CACNA1C: variants seen among roughly 807,000 people sequenced by gnomAD.
CACNA1C encodes calcium voltage-gated channel subunit alpha1 C, also known as voltage-dependent L-type calcium channel subunit alpha-1C.
CACNA1C carries 30 observed loss-of-function variants against 229.0 expected under a neutral mutation model. The observed-to-expected ratio is 0.13, with a 90% confidence interval of 0.10 to 0.18. The LOEUF is 0.18. Ranked by LOEUF, CACNA1C falls within the 10% of genes least tolerant of loss-of-function variation. The pLI is 1.00. For synonymous variants in CACNA1C, 1,114 were observed against 1,132.5 expected, an observed-to-expected ratio of 0.98 and a Z score of 0.33; for missense variants, 1,658 against 2,845.0, an observed-to-expected ratio of 0.58 and a Z score of 9.49.
chr12:2,551,745 G>A (rs2099904053), intron 10 of CACNA1C, among the ~76,000 whole-genome samples: 1 of 152,192 alleles, frequency 6.6e-6, no homozygotes, highest in African/African-American at 2.4e-5. Context: ...GACGGTTCCT[G>A]TTGGGGGAAG....
intron 7 of CACNA1C, among the ~76,000 whole-genome samples, chr12:2,500,967 G>T (rs1339480904): frequency 6.6e-6 from 1 of 151,884 alleles, no homozygotes; most frequent in African/African-American, 2.4e-5. Context: ...AGCACTTTGG[G>T]AGGCCGAGGT....
In CACNA1C at chr12:2,441,534, G is replaced by A. The variant is rs576806570; in HGVS notation, c.478-7442G>A. On this transcript the variant is annotated intron_variant, in intron 3 of 46. Coordinates refer to ENST00000399655, the MANE Select transcript of CACNA1C (RefSeq NM_000719.7). ...GTGAAGAAGAGGAGCTCTTTATTCC[G>A]TCCCATGTCCTAAAATCTCACTGTG... Among the ~76,000 whole-genome samples the A allele has an allele frequency of 1.1e-4, 17 of 152,266 alleles. No homozygotes were observed. The South Asian group carries it at 2.3e-3, about 20-fold the overall frequency.
intron 3 of CACNA1C, among the ~76,000 whole-genome samples, chr12:2,420,644 C>G (rs1166991419): frequency 6.6e-6 from 1 of 152,220 alleles, no homozygotes; most frequent in African/African-American, 2.4e-5. Flanking sequence ...AGCAAGGTCT[C>G]TGGAACATCT....
chr12:2,051,733 A>G (rs553427529), upstream of CACNA1C, among the ~76,000 whole-genome samples: 8 of 152,352 alleles, frequency 5.3e-5, no homozygotes, highest in South Asian at 1.7e-3. Flanking sequence ...TGGGATGGTC[A>G]TCGACTGCGA....
chr12:2,421,093 A>G (rs1428834957), intron 3 of CACNA1C, among the ~76,000 whole-genome samples: 2 of 152,188 alleles, frequency 1.3e-5, no homozygotes, highest in African/African-American at 4.8e-5. Flanking sequence ...CTGTTACATA[A>G]AGTTTTCAGA....
intron 3 of CACNA1C, among the ~76,000 whole-genome samples, chr12:2,211,072 T>C (rs1161949775): frequency 6.6e-6 from 1 of 152,194 alleles, no homozygotes; most frequent in East Asian, 1.9e-4. Flanking sequence ...AGGACTGACT[T>C]TTCTTTGTTC....
intron 18 of CACNA1C, 51 bp from the exon 19 acceptor site, chr12:2,593,162 A>G: frequency 6.3e-7 from 1 of 1,588,154 alleles, no homozygotes; most frequent in Non-Finnish European, 8.6e-7. Flanking sequence ...GAAAGTGGTA[A>G]AATAAGTGGG....
At chr12:1,983,890 TCA>T (rs1268727795) in intron 1 of CACNA1C, among the ~76,000 whole-genome samples, 1 of 152,180 alleles carries the variant, frequency 6.6e-6, no homozygotes, top group African/African-American at 2.4e-5. Flanking sequence ...ACTTTTTGCT[TCA>T]CACACTTTGA....
chr12:2,009,536 A>G (rs2044028009), intron 1 of CACNA1C, among the ~76,000 whole-genome samples: 1 of 152,202 alleles, frequency 6.6e-6, no homozygotes, highest in Admixed American at 6.5e-5. Context: ...GTAGTAGAAT[A>G]TGTTAGAATG....
intron 3 of CACNA1C, among the ~76,000 whole-genome samples, chr12:2,279,443 G>A (rs2090216918): frequency 6.6e-6 from 1 of 152,160 alleles, no homozygotes; most frequent in Admixed American, 6.5e-5. Context: ...AAATCAGTTT[G>A]CCTATTTCTA....
intron 29 of CACNA1C, among the ~76,000 whole-genome samples, chr12:2,622,184 C>T (rs1186407767): frequency 3.9e-5 from 6 of 152,184 alleles, no homozygotes. Context: ...GTCCTCCAGG[C>T]CTTCTAGAAA....
intron 3 of CACNA1C, among the ~76,000 whole-genome samples, chr12:2,364,130 G>A (rs930688340): frequency 6.6e-6 from 1 of 152,192 alleles, no homozygotes; most frequent in Non-Finnish European, 1.5e-5. Context: ...TGAGTCTTCA[G>A]ACCTAAACGA....
chr12:2,498,580 A>G (rs1278388730), intron 7 of CACNA1C, among the ~76,000 whole-genome samples: 1 of 152,260 alleles, frequency 6.6e-6, no homozygotes, highest in Non-Finnish European at 1.5e-5. Context: ...GGGAGCACAG[A>G]GAAGAATAAG....
intron 3 of CACNA1C, among the ~76,000 whole-genome samples, chr12:2,321,306 C>G (rs2095985200): frequency 6.6e-6 from 1 of 152,010 alleles, no homozygotes; most frequent in Admixed American, 6.6e-5. Context: ...TGTTTTCTGT[C>G]CACCTGTTAG....
chr12:2,008,030 T>C (rs2043771734), intron 1 of CACNA1C, among the ~76,000 whole-genome samples: 1 of 152,232 alleles, frequency 6.6e-6, no homozygotes, highest in Admixed American at 6.5e-5. Flanking sequence ...ATTATTGCAA[T>C]TGAACAAGAA....
At chr12:2,336,022 C>CAAA (rs34731308) in intron 3 of CACNA1C, among the ~76,000 whole-genome samples, 1 of 92,558 alleles carries the variant, frequency 1.1e-5, no homozygotes, top group Non-Finnish European at 2.4e-5. Flanking sequence ...AAAACAACTC[C>CAAA]AAAAAAAAAA....
At chr12:2,399,711 A>G (rs1379472593) in intron 3 of CACNA1C, among the ~76,000 whole-genome samples, 5 of 152,214 alleles carry the variant, frequency 3.3e-5, no homozygotes, top group Non-Finnish European at 4.4e-5. Context: ...GAAAACAGGG[A>G]TGTGAAGTTT....
At position 1,971,149 on chromosome 12, in the gene CACNA1C, G is replaced by A. The variant is rs1291004870; in HGVS notation, c.87G>A (p.Lys29=). ...CTGCCAACACGGAGGTCAAGTTTAA[G>A]GGTACTTTGGTGCATGAAGCTCAAC... The change falls in exon 1 of 47, where the codon AAG becomes AAA. Residue 29 remains lysine (K), a synonymous_variant. Transcript: ENST00000682462. The surrounding 1 kb of genome is among the most constrained non-coding windows in gnomAD (Gnocchi z 4.2). The A allele has an allele frequency of 1.6e-6, 2 of 1,289,420 alleles. No homozygotes were observed. Among genetic ancestry groups the A allele is most frequent in the South Asian group, 2.5e-5 (2 of 81,008 alleles). 79.9% of individuals were successfully genotyped at this position (1,289,420 alleles called of 1,614,324 possible).
Position 2,115,294 on chromosome 12 carries a change from T to C in CACNA1C, c.120T>C (p.Pro40=). Residue 40 remains proline (P), a synonymous_variant, in exon 2 of 47, where the codon CCT becomes CCC. Transcript: ENST00000399655. ...MNANAAAGLA[P]EHIPTPGAAL... ...CCAATGCGGCAGCGGGGCTGGCCCCTGAGCACATCCCCACCCCGGGGGCTG... is the reference window on the plus strand; with the variant it reads ...CCAATGCGGCAGCGGGGCTGGCCCCCGAGCACATCCCCACCCCGGGGGCTG... 6.3e-7 allele frequency: 1 copy of C among 1,593,678 alleles called. No homozygotes were observed. The highest frequency in any genetic ancestry group is 8.5e-7 in the Non-Finnish European group (1 of 1,171,658).
Sources: allele counts gnomAD v4.1 joint callset (sites outside exome capture counted in the v4.1 genomes callset), GRCh38; gene constraint gnomAD v4.1.1; non-coding constraint Gnocchi (gnomAD v3.1); transcripts MANE v1.5; gene names NCBI Gene and HGNC (gene_info 2026-07-23, HGNC 2026-07-21).